Variants in NTRK3 observed in about 807,000 individuals in gnomAD.
NTRK3 encodes the protein NT-3 growth factor receptor.
NTRK3 carries 24 observed loss-of-function variants against 91.7 expected under a neutral mutation model. The ratio of observed to expected loss-of-function variants is 0.26; its 90% CI spans 0.19 to 0.37. NTRK3 has a LOEUF of 0.37. Among genes scored for constraint, NTRK3 ranks in the 10% least tolerant of loss-of-function variants. The pLI is 1.00. For missense variants in NTRK3, 880 were observed against 1,068.9 expected, an observed-to-expected ratio of 0.82 and a Z score of 2.46; for synonymous variants, 483 against 404.0, an observed-to-expected ratio of 1.20 and a Z score of -2.34.
chr15:88,048,325 C>T (rs1273038344), intron 13 of NTRK3, among the ~76,000 whole-genome samples: 1 of 152,152 alleles, frequency 6.6e-6, no homozygotes, highest in Non-Finnish European at 1.5e-5. Context: ...GAAGGCAAGG[C>T]TGGGCAAAGT....
At chr15:88,107,521 G>T (rs1013101966) in intron 13 of NTRK3, among the ~76,000 whole-genome samples, 4 of 152,118 alleles carry the variant, frequency 2.6e-5, no homozygotes, top group African/African-American at 7.2e-5. Context: ...GCTTCTGTTG[G>T]TCTAGAAGAA....
At chr15:87,942,926 T>G (rs2070039734) in intron 14 of NTRK3, among the ~76,000 whole-genome samples, 1 of 152,182 alleles carries the variant, frequency 6.6e-6, no homozygotes, top group South Asian at 2.1e-4. Flanking sequence ...GTGACTGAGC[T>G]GGGCATGGGA....
At chr15:88,222,524 G>A (rs778170754) in intron 3 of NTRK3, among the ~76,000 whole-genome samples, 3 of 152,116 alleles carry the variant, frequency 2.0e-5, no homozygotes, top group Non-Finnish European at 4.4e-5. Flanking sequence ...TCAGTTTATG[G>A]AGCACATTTC....
rs1045217110 is a variant in NTRK3, at chr15:88,241,015, A to G, written c.248+14891T>C. Among the ~76,000 whole-genome samples the G allele has an allele frequency of 2.0e-5, 3 of 152,196 alleles. No homozygotes were observed. The highest frequency in any genetic ancestry group is 2.1e-4 in the South Asian group (1 of 4,834). ...GCAGGAAATGAGCCTGTTACAGTCCACAGGTCTTTACTGAACACCTACTAG... is the reference window on the plus strand; with the variant it reads ...GCAGGAAATGAGCCTGTTACAGTCCGCAGGTCTTTACTGAACACCTACTAG... On this transcript the variant is annotated intron_variant, in intron 3 of 18. Transcript: ENST00000394480. The surrounding 1 kb of genome is among the most constrained non-coding windows in gnomAD (Gnocchi z 4.3).
At chr15:87,948,282 A>C (rs1246167877) in intron 14 of NTRK3, among the ~76,000 whole-genome samples, 1 of 152,240 alleles carries the variant, frequency 6.6e-6, no homozygotes, top group African/African-American at 2.4e-5. Flanking sequence ...TAGGAGAAAA[A>C]AGAGGATCTC....
At chr15:88,210,999 T>A (rs1212051664) in intron 3 of NTRK3, among the ~76,000 whole-genome samples, 2 of 152,296 alleles carry the variant, frequency 1.3e-5, no homozygotes, top group Middle Eastern at 3.4e-3. Flanking sequence ...ATTAAAAAAA[T>A]TAATGCACTA....
chr15:87,991,456 T>C (rs1331732152), intron 14 of NTRK3, among the ~76,000 whole-genome samples: 4 of 152,226 alleles, frequency 2.6e-5, no homozygotes, highest in Non-Finnish European at 5.9e-5. Flanking sequence ...ATCATTAATG[T>C]CCATCTCCTG....
intron 13 of NTRK3, among the ~76,000 whole-genome samples, chr15:88,102,398 T>A (rs2050264192): frequency 1.3e-5 from 2 of 152,184 alleles, no homozygotes; most frequent in Non-Finnish European, 1.5e-5. Flanking sequence ...GAATGGTTAA[T>A]GTGTGCAAAA....
chr15:87,896,181 A>G (rs2066112064), intron 17 of NTRK3, among the ~76,000 whole-genome samples: 1 of 152,148 alleles, frequency 6.6e-6, no homozygotes. Context: ...ATCTCTTAAA[A>G]TATTTTACAG....
At chr15:88,167,645 T>C (rs1436574901) in intron 5 of NTRK3, among the ~76,000 whole-genome samples, 1 of 152,168 alleles carries the variant, frequency 6.6e-6, no homozygotes, top group Non-Finnish European at 1.5e-5. Context: ...AACTGGTCAT[T>C]AGTCGTGAGG....
At chr15:87,926,451 C>G (rs1221348248) in intron 17 of NTRK3, among the ~76,000 whole-genome samples, 1 of 152,164 alleles carries the variant, frequency 6.6e-6, no homozygotes, top group African/African-American at 2.4e-5. Context: ...TTCGAGCTAG[C>G]TGGCCTTGGC....
At chr15:88,060,087 C>A (rs2046076045) in intron 13 of NTRK3, among the ~76,000 whole-genome samples, 1 of 152,108 alleles carries the variant, frequency 6.6e-6, no homozygotes, top group Non-Finnish European at 1.5e-5. Flanking sequence ...GGCCTGGTTG[C>A]CGTGAAGGAG....
At chr15:87,907,799 A>G (rs2066861074) in intron 17 of NTRK3, among the ~76,000 whole-genome samples, 1 of 152,300 alleles carries the variant, frequency 6.6e-6, no homozygotes, top group South Asian at 2.1e-4. Flanking sequence ...TCTGATGATC[A>G]AGGTAAGACA....
chr15:88,245,039 C>T (rs193247152), intron 3 of NTRK3, among the ~76,000 whole-genome samples: 85 of 152,326 alleles, frequency 5.6e-4, no homozygotes, highest in Middle Eastern at 3.4e-3. Flanking sequence ...AAAGGAGTCC[C>T]TTAGCAGGAG....
At chr15:87,919,957 A>T (rs1402753230) in intron 17 of NTRK3, among the ~76,000 whole-genome samples, 1 of 152,244 alleles carries the variant, frequency 6.6e-6, no homozygotes. Flanking sequence ...ATCCTAAAAA[A>T]ATCAAGTCTT....
At chr15:88,063,463 G>A (rs2046385996) in intron 13 of NTRK3, among the ~76,000 whole-genome samples, 2 of 152,200 alleles carry the variant, frequency 1.3e-5, no homozygotes, top group Admixed American at 1.3e-4. Context: ...ACTTTTCTCA[G>A]GAGGCCTTTG....
chr15:88,148,803 C>A (rs551526119), intron 5 of NTRK3, among the ~76,000 whole-genome samples: 3 of 152,120 alleles, frequency 2.0e-5, no homozygotes, highest in African/African-American at 7.2e-5. Context: ...CTGCTACAGT[C>A]TTCCAACCAA....
chr15:88,072,460 G>T (rs777175993), intron 13 of NTRK3: 1 of 229,886 alleles, frequency 4.3e-6, no homozygotes, highest in East Asian at 6.2e-5. Flanking sequence ...GAGAGGGAGA[G>T]GTCTCACTCT....
chr15:88,102,031 T>TA (rs2050228596), intron 13 of NTRK3, among the ~76,000 whole-genome samples: 1 of 151,448 alleles, frequency 6.6e-6, no homozygotes, highest in Admixed American at 6.6e-5. Flanking sequence ...TAAAATAAAA[T>TA]AAAAAAATAA....
Sources: allele counts gnomAD v4.1 joint callset (sites outside exome capture counted in the v4.1 genomes callset), GRCh38; gene constraint gnomAD v4.1.1; non-coding constraint Gnocchi (gnomAD v3.1); transcripts MANE v1.5; gene names NCBI Gene and HGNC (gene_info 2026-07-23, HGNC 2026-07-21).